Variants in WIPF1 observed in about 807,000 individuals in gnomAD.
The protein encoded by WIPF1 is WAS/WASL-interacting protein family member 1.
A neutral mutation model predicts 35.4 loss-of-function variants in WIPF1; 13 were observed. That is an observed-to-expected ratio of 0.37 (90% CI 0.24 to 0.58). WIPF1 has a LOEUF of 0.58. Ranked by LOEUF, WIPF1 falls within the 20% of genes least tolerant of loss-of-function variation. The pLI is 0.74. For synonymous variants in WIPF1, 267 were observed against 266.3 expected (o/e 1.00, Z -0.02); for missense variants, 591 against 667.0 (o/e 0.89, Z 1.25).
At position 174,575,222 on chromosome 2, in the gene WIPF1, T is replaced by C. The variant is rs1258673394; in HGVS notation, c.340A>G (p.Thr114Ala). The part of the protein sequence containing the change: ...FQAGMPKLRS[T>A]ANRDNDSGGS... ...TCCTTACCATTATCCCTGTTGGCCG[T>C]GGATCTCAGCTTCGGCATTCCAGCC... The change falls in exon 4 of 8, where the codon ACG becomes GCG. Residue 114 changes from threonine to alanine, a missense_variant. By Grantham distance (58) the Thr-to-Ala change is moderately conservative. Around this residue, in one of 3 missense-constraint regions of WIPF1, gnomAD observed 471 missense variants for 501.1 expected, o/e 0.94. Transcript: ENST00000679041. 1.2e-6 allele frequency: 2 copies of C among 1,611,988 alleles called. No individual in the cohort carries two copies. The highest frequency in any genetic ancestry group is 1.7e-6 in the Non-Finnish European group (2 of 1,178,718).
At chr2:174,666,507 T>C (rs1301314217) in intron 1 of WIPF1, among the ~76,000 whole-genome samples, 4 of 152,230 alleles carry the variant, frequency 2.6e-5, no homozygotes, top group African/African-American at 9.6e-5. Context: ...CCCTGCCCTC[T>C]AGTTCCTCAA....
At position 174,575,266 on chromosome 2, in the gene WIPF1, C is replaced by T; in HGVS notation, c.296G>A (p.Gly99Asp). ...TCCAGCCTGGAACAATCCTCCCAGA[C>T]CTGGAGGTCCGCCCCCTCCAAAACT... is the stretch of plus-strand genomic sequence containing the variant. ...GGSFGGGGPP[G>D]LGGLFQAGMP... The change falls in exon 4 of 8, where the codon GGT (glycine) becomes GAT (aspartate). Residue 99 changes from glycine to aspartate, a missense_variant. By Grantham distance (94) the Gly-to-Asp change is moderately conservative. This residue lies in a region of WIPF1 where 471 missense variants were observed against 501.1 expected (regional missense o/e 0.94). Transcript: ENST00000679041. The T allele has an allele frequency of 6.2e-7, 1 of 1,614,020 alleles. No homozygotes were observed. Among genetic ancestry groups the T allele is most frequent in the Non-Finnish European group, 8.5e-7 (1 of 1,179,980 alleles).
intron 1 of WIPF1, among the ~76,000 whole-genome samples, chr2:174,629,104 TAGAG>T (rs1686934587): frequency 6.6e-6 from 1 of 152,118 alleles, no homozygotes. Context: ...CTTTAAAACA[TAGAG>T]AGGCTGAGGC....
At chr2:174,602,078 T>C (rs1038593690), upstream of WIPF1, among the ~76,000 whole-genome samples, 2 of 152,214 alleles carry the variant, frequency 1.3e-5, no homozygotes, top group Admixed American at 6.5e-5. Flanking sequence ...ACAATCACAA[T>C]TCTGGACTTA....
intron 4 of WIPF1, 152 bp from the exon 5 acceptor site, chr2:174,572,598 C>CCCAAGAAGGACCAA: frequency 1.8e-6 from 2 of 1,109,270 alleles, no homozygotes; most frequent in Non-Finnish European, 2.5e-6. Flanking sequence ...TTTTGTTGGT[C>CCCAAGAAGGACCAA]CTTCTTGGGA....
chr2:174,676,672 C>T (rs1297617541), intron 1 of WIPF1: 1 of 152,032 alleles, frequency 6.6e-6, no homozygotes, highest in Non-Finnish European at 1.5e-5. Flanking sequence ...AACTCCTGGG[C>T]AAAAGAGTTG....
chr2:174,633,175 T>C (rs538297201), intron 1 of WIPF1, among the ~76,000 whole-genome samples: 5 of 152,182 alleles, frequency 3.3e-5, no homozygotes, highest in Non-Finnish European at 7.3e-5. Flanking sequence ...TTTGTCTCCA[T>C]TTTCTTGTAC....
At chr2:174,564,060 C>A (rs1225833176) in intron 7 of WIPF1, among the ~76,000 whole-genome samples, 1 of 152,146 alleles carries the variant, frequency 6.6e-6, no homozygotes, top group Non-Finnish European at 1.5e-5. Flanking sequence ...AGAATGAGGG[C>A]TGGCCTTGTC....
chr2:174,587,101 G>A (rs1009720938), intron 1 of WIPF1, among the ~76,000 whole-genome samples: 3 of 151,900 alleles, frequency 2.0e-5, no homozygotes, highest in Non-Finnish European at 4.4e-5. Context: ...CAAATTCCTG[G>A]GCCTAAGCAA....
intron 1 of WIPF1, among the ~76,000 whole-genome samples, chr2:174,646,665 C>T (rs1687415502): frequency 6.6e-6 from 1 of 152,152 alleles, no homozygotes; most frequent in Admixed American, 6.6e-5. Flanking sequence ...CATTCTGTCG[C>T]CCAGGCTGGA....
chr2:174,595,107 AAAATAT>A (rs1685761637), intron 1 of WIPF1, among the ~76,000 whole-genome samples: 2 of 37,874 alleles, frequency 5.3e-5, no homozygotes, highest in South Asian at 1.1e-3. Context: ...AAAAAAAAAA[AAAATAT>A]ATATATATAT....
At chr2:174,636,170 T>C (rs1399375839) in intron 1 of WIPF1, among the ~76,000 whole-genome samples, 1 of 152,246 alleles carries the variant, frequency 6.6e-6, no homozygotes, top group African/African-American at 2.4e-5. Context: ...ATGACTCAAT[T>C]TGAATGTATT....
At chr2:174,574,928 C>T (rs1684995503) in intron 4 of WIPF1, 4 of 715,158 alleles carry the variant, frequency 5.6e-6, no homozygotes, top group Non-Finnish European at 2.6e-6. Context: ...CTTTTCTTCC[C>T]ACTCCAGCTA....
At chr2:174,583,944 A>G (rs1241318028) in intron 2 of WIPF1, among the ~76,000 whole-genome samples, 2 of 152,028 alleles carry the variant, frequency 1.3e-5, no homozygotes, top group African/African-American at 4.8e-5. Flanking sequence ...CTCTGCCTCC[A>G]GAGTAGCTGG....
intron 1 of WIPF1, among the ~76,000 whole-genome samples, chr2:174,671,519 T>A (rs1688018270): frequency 6.6e-6 from 1 of 152,288 alleles, no homozygotes; most frequent in Middle Eastern, 3.4e-3. Context: ...AACCATTAGG[T>A]CTGGCTGCCT....
intron 1 of WIPF1, among the ~76,000 whole-genome samples, chr2:174,611,941 G>C (rs1686361165): frequency 6.6e-6 from 1 of 151,956 alleles, no homozygotes; most frequent in African/African-American, 2.4e-5. Context: ...CTATCACCCA[G>C]GCCAGAGTGC....
At chr2:174,682,040 A>G (rs1317447048) in intron 1 of WIPF1, among the ~76,000 whole-genome samples, 1 of 152,238 alleles carries the variant, frequency 6.6e-6, no homozygotes, top group African/African-American at 2.4e-5. Flanking sequence ...TCTTTCTTTA[A>G]AAAGAAAAGT....
intron 4 of WIPF1, 126 bp downstream of exon 4, chr2:174,575,077 TG>T: frequency 1.9e-6 from 2 of 1,039,660 alleles, no homozygotes; most frequent in Non-Finnish European, 2.9e-6. Flanking sequence ...TATAAAACAG[TG>T]GTAATATTTA....
In WIPF1 at chr2:174,571,887, G is replaced by C; in HGVS notation, c.918C>G (p.Ala306=). The change falls in exon 5 of 8, where the codon GCC becomes GCG. Residue 306 remains alanine (A), a synonymous_variant. Coordinates refer to ENST00000679041, the MANE Select transcript of WIPF1 (RefSeq NM_001375834.1). The surrounding 1 kb of genome is among the most constrained non-coding windows in gnomAD (Gnocchi z 4.6). ...STPRPSASSQ[A]PPPPPPPSRP... ...TGCTGGGAGGTGGCGGCGGAGGTGG[G>C]GCCTGTGAGGAGGCCGAAGGCCGCG... 2 of 1,612,918 alleles carry C rather than the reference G, an allele frequency of 1.2e-6. No homozygotes were observed. The highest frequency in any genetic ancestry group is 1.1e-5 in the South Asian group (1 of 90,982).
Sources: gnomAD v4.1 joint callset for allele counts (sites outside exome capture counted in the v4.1 genomes callset) on GRCh38, gnomAD v4.1.1 for gene constraint, gnomAD v4.1.1 regional missense constraint, Gnocchi (gnomAD v3.1) non-coding constraint, MANE v1.5 for transcripts, NCBI Gene and HGNC (gene_info 2026-07-23, HGNC 2026-07-21) for gene names.